Variants in ELFN1 observed in about 807,000 individuals in gnomAD.
ELFN1 encodes protein ELFN1.
In ELFN1, 6 loss-of-function variants were observed where a neutral mutation model predicts 7.6. The ratio of observed to expected loss-of-function variants is 0.79; its 90% CI spans 0.43 to 1.56. The LOEUF (loss-of-function observed/expected upper bound fraction) is 1.56. ELFN1 is among the 40% of genes most tolerant of loss of function. The pLI is 0.01. For missense variants in ELFN1, 1,169 were observed against 1,232.2 expected, an observed-to-expected ratio of 0.95 and a Z score of 0.77; for synonymous variants, 657 against 588.1, an observed-to-expected ratio of 1.12 and a Z score of -1.70.
upstream of ELFN1, among the ~76,000 whole-genome samples, chr7:1,667,456 G>A (rs1043080211): frequency 6.6e-6 from 1 of 152,144 alleles, no homozygotes; most frequent in African/African-American, 2.4e-5. The surrounding 1 kb of genome is among the most constrained non-coding windows in gnomAD (Gnocchi z 8.2). Context: ...CAGCTCGGGC[G>A]GCGTGTGCAG....
intron 3 of ELFN1, among the ~76,000 whole-genome samples, chr7:1,711,090 G>A (rs1023645900): frequency 2.6e-5 from 4 of 152,214 alleles, no homozygotes; most frequent in Non-Finnish European, 4.4e-5. Flanking sequence ...AGGTCTTCCA[G>A]CTCCCCAGTG....
At chr7:1,714,893 A>G (rs1779782198) in intron 3 of ELFN1, among the ~76,000 whole-genome samples, 1 of 152,214 alleles carries the variant, frequency 6.6e-6, no homozygotes, top group Admixed American at 6.5e-5. Flanking sequence ...GAGCTGGTAC[A>G]CAGCCTAAGG....
intron 3 of ELFN1, among the ~76,000 whole-genome samples, chr7:1,737,901 C>T (rs891958324): frequency 1.3e-5 from 2 of 152,332 alleles, no homozygotes; most frequent in East Asian, 3.9e-4. Flanking sequence ...TCCCCCTGAT[C>T]AGCACTCTCT....
intron 2 of ELFN1, among the ~76,000 whole-genome samples, chr7:1,703,320 C>T (rs1322275752): frequency 6.6e-6 from 1 of 152,206 alleles, no homozygotes; most frequent in Admixed American, 6.5e-5. Context: ...AAATATCTTT[C>T]CCTCTCTGCT....
chr7:1,739,965 T>C lies in ELFN1; in HGVS notation c.-293-4339T>C, dbSNP rs558388768. Among the ~76,000 whole-genome samples the C allele has an allele frequency of 4.6e-5, 7 of 152,336 alleles. No individual in the cohort carries two copies. In the South Asian group the frequency reaches 1.2e-3, roughly 27 times the overall value. On this transcript the variant is annotated intron_variant, in intron 3 of 3. Coordinates refer to ENST00000424383, the MANE Select transcript of ELFN1 (RefSeq NM_001128636.4). The surrounding 1 kb of genome is among the most constrained non-coding windows in gnomAD (Gnocchi z 4.6). ...CAAGTTGGTTTGTTTTATGGAAGGT[T>C]CTAGAACTACGAGTTCCAATACGGC...
chr7:1,679,179 G>GCACACACACA (rs368107431), intron 1 of ELFN1, among the ~76,000 whole-genome samples: 1 of 150,298 alleles, frequency 6.7e-6, no homozygotes, highest in Non-Finnish European at 1.5e-5. Flanking sequence ...ACGTACGCGC[G>GCACACACACA]CACACACACA....
chr7:1,746,029 C>T lies in ELFN1; in HGVS notation c.1433C>T (p.Pro478Leu). The change falls in exon 4 of 4, where the codon CCC (proline) becomes CTC (leucine). Residue 478 changes from proline (P) to leucine (L), a missense_variant. Physicochemically the swap from Pro to Leu is moderately conservative, Grantham distance 98 (BLOSUM62 -3). Coordinates refer to ENST00000424383, the MANE Select transcript of ELFN1 (RefSeq NM_001128636.4). Reference sequence around the variant, plus strand: ...AAGTACGGGCCAGAGCTGGAGGCGCCCGGCCTGGCCCCGCTGTCCCAGGGC... The same window carrying T: ...AAGTACGGGCCAGAGCTGGAGGCGCTCGGCCTGGCCCCGCTGTCCCAGGGC... Reference protein sequence around the residue: ...ELKYGPELEAPGLAPLSQGPL... With the variant: ...ELKYGPELEALGLAPLSQGPL... The T allele has an allele frequency of 6.5e-7, 1 of 1,545,406 alleles. No individual in the cohort carries two copies. Among genetic ancestry groups the T allele is most frequent in the Non-Finnish European group, 8.7e-7 (1 of 1,143,980 alleles).
chr7:1,691,037 A>G (rs1231524126), intron 2 of ELFN1, among the ~76,000 whole-genome samples: 1 of 151,874 alleles, frequency 6.6e-6, no homozygotes, highest in Non-Finnish European at 1.5e-5. Flanking sequence ...GGGAGTGTAG[A>G]AGTCCCCCAG....
Position 1,746,811 on chromosome 7 carries a change from C to T in ELFN1, c.2215C>T (p.Pro739Ser). Residue 739 changes from proline to serine, a missense_variant, in exon 4 of 4, where the codon CCA becomes TCA. Around this residue, in one of 2 missense-constraint regions of ELFN1, gnomAD observed 914 missense variants for 872.6 expected, o/e 1.05. Coordinates refer to ENST00000424383, the MANE Select transcript of ELFN1 (RefSeq NM_001128636.4). ...GLGRKASILE[P>S]LTRPRPRDLA... ...GGGGCGCAAGGCGTCCATCCTGGAG[C>T]CACTCACCCGGCCGCGGCCCCGCGA... 1 of 1,534,330 alleles carries T rather than the reference C, an allele frequency of 6.5e-7. No homozygotes were observed. The highest frequency in any genetic ancestry group is 8.8e-7 in the Non-Finnish European group (1 of 1,141,868).
intron 3 of ELFN1, among the ~76,000 whole-genome samples, chr7:1,716,731 C>A (rs191473675): frequency 6.6e-6 from 1 of 152,232 alleles, no homozygotes; most frequent in Non-Finnish European, 1.5e-5. Flanking sequence ...CGCACTCCCC[C>A]AGCCTCACCC....
rs1303565731 is a variant in ELFN1 at position 1,709,083 on chromosome 7, C to T, written c.-455-8C>T. 2 of 152,272 alleles carry T rather than the reference C, an allele frequency of 1.3e-5. No homozygotes were observed. The highest frequency in any genetic ancestry group is 2.1e-4 in the South Asian group (1 of 4,830). The allele number at this position is 152,272 out of a possible 1,614,324, so 9.4% of individuals were successfully genotyped here. On this transcript the variant is annotated splice_polypyrimidine_tract_variant and splice_region_variant and intron_variant, in intron 2 of 3. Transcript: ENST00000424383. Reference sequence around the variant, plus strand: ...CTCCTCAACCTCCTCCCCTCTGTCTCTGTGCAGGTGCAGCTGCCTTGGCGA... The same window carrying T: ...CTCCTCAACCTCCTCCCCTCTGTCTTTGTGCAGGTGCAGCTGCCTTGGCGA...
At chr7:1,680,175 C>T (rs1234224876) in intron 1 of ELFN1, among the ~76,000 whole-genome samples, 1 of 152,218 alleles carries the variant, frequency 6.6e-6, no homozygotes, top group African/African-American at 2.4e-5. Flanking sequence ...CCTGGGCTTG[C>T]CTTGGGCACT....
intron 1 of ELFN1, among the ~76,000 whole-genome samples, chr7:1,685,850 T>G (rs976350709): frequency 6.8e-6 from 1 of 148,024 alleles, no homozygotes; most frequent in African/African-American, 2.4e-5. Context: ...TTTGAATGTA[T>G]TTATATTATA....
chr7:1,747,208 C>G lies in ELFN1; in HGVS notation c.*125C>G. On this transcript the variant is annotated 3_prime_UTR_variant, in exon 4 of 4. Coordinates refer to ENST00000424383, the MANE Select transcript of ELFN1 (RefSeq NM_001128636.4). ...GTGACAGCGGGGGGCCCTGCAGAGG[C>G]GAGGGGGGAGCGAGTGGGGACAGAC... The G allele has an allele frequency of 8.6e-7, 1 of 1,159,160 alleles. No homozygotes were observed. Among genetic ancestry groups the G allele is most frequent in the Middle Eastern group, 2.8e-4 (1 of 3,600 alleles). 71.8% of individuals were successfully genotyped at this position (1,159,160 alleles called of 1,614,324 possible). A position where few individuals can be genotyped will look rare whatever the true frequency, so the allele number is the denominator to read the frequency against.
At chr7:1,719,036 TGC>T (rs1779921947) in intron 3 of ELFN1, among the ~76,000 whole-genome samples, 1 of 151,714 alleles carries the variant, frequency 6.6e-6, no homozygotes, top group Non-Finnish European at 1.5e-5. Flanking sequence ...GGGGCCTGAG[TGC>T]CTGAATCACA....
In ELFN1 at chr7:1,702,892, T is replaced by C. The variant is rs911246668; in HGVS notation, c.-455-6199T>C. On this transcript the variant is annotated intron_variant, in intron 2 of 3. Coordinates refer to ENST00000424383, the MANE Select transcript of ELFN1 (RefSeq NM_001128636.4). Reference sequence around the variant, plus strand: ...GTGGCAGCAAGTATCCTTGTGTTGCTCTTGATTGCAAAAAGTTTTAGCTGC... The same window carrying C: ...GTGGCAGCAAGTATCCTTGTGTTGCCCTTGATTGCAAAAAGTTTTAGCTGC... Among the ~76,000 whole-genome samples, 7 of 150,656 alleles carry C rather than the reference T, an allele frequency of 4.6e-5. 1 individual carries two copies. Among genetic ancestry groups the C allele is most frequent in the Admixed American group, 2.0e-4 (3 of 15,210 alleles).
intron 3 of ELFN1, among the ~76,000 whole-genome samples, chr7:1,709,884 T>G (rs1779614780): frequency 1.3e-5 from 2 of 152,256 alleles, no homozygotes; most frequent in Non-Finnish European, 2.9e-5. Context: ...CAAGTTCTTT[T>G]TCTGCAGCAT....
In ELFN1 at chr7:1,747,128, G is replaced by T; in HGVS notation, c.*45G>T. On this transcript the variant is annotated 3_prime_UTR_variant, in exon 4 of 4. Transcript: ENST00000424383. Reference sequence around the variant, plus strand: ...GCCCACTGGACCAAAAAGGATGCAGGATCCACCCAGAGACTCAGCACCAAA... The same window carrying T: ...GCCCACTGGACCAAAAAGGATGCAGTATCCACCCAGAGACTCAGCACCAAA... The T allele has an allele frequency of 7.0e-7, 1 of 1,431,856 alleles. No homozygotes were observed. Among genetic ancestry groups the T allele is most frequent in the South Asian group, 1.6e-5 (1 of 64,472 alleles). 88.7% of individuals were successfully genotyped at this position (1,431,856 alleles called of 1,614,324 possible). A position where few individuals can be genotyped will look rare whatever the true frequency, so the allele number is the denominator to read the frequency against.
rs1281521035 is a variant in ELFN1, at chr7:1,746,699, C to T, written c.2103C>T (p.Gly701=). 7.5e-6 allele frequency: 11 copies of T among 1,462,420 alleles called. No individual in the cohort carries two copies. The highest frequency in any genetic ancestry group is 3.0e-5 in the African/African-American group (2 of 67,020). The allele number at this position is 1,462,420 out of a possible 1,614,324, so 90.6% of individuals were successfully genotyped here. Reference sequence around the variant, plus strand: ...AGGCCGAGAAGGGTCGCCAGTACGGCGAGCACCGGCACTCGTACCCCGGCT... The same window carrying T: ...AGGCCGAGAAGGGTCGCCAGTACGGTGAGCACCGGCACTCGTACCCCGGCT... ...RAEAEKGRQY[G]EHRHSYPGSH... Residue 701 remains glycine (G), a synonymous_variant, in exon 4 of 4, where the codon GGC becomes GGT. Coordinates refer to ENST00000424383, the MANE Select transcript of ELFN1 (RefSeq NM_001128636.4).
Sources: allele counts gnomAD v4.1 joint callset (sites outside exome capture counted in the v4.1 genomes callset), GRCh38; gene constraint gnomAD v4.1.1; regional missense constraint gnomAD v4.1.1; non-coding constraint Gnocchi (gnomAD v3.1); transcripts MANE v1.5; gene names NCBI Gene and HGNC (gene_info 2026-07-23, HGNC 2026-07-21).